PPFIA3: variants seen among roughly 807,000 people sequenced by gnomAD.
PPFIA3 encodes liprin-alpha-3.
In PPFIA3, 26 loss-of-function variants were observed where a neutral mutation model predicts 145.8. The ratio of observed to expected loss-of-function variants is 0.18; its 90% CI spans 0.13 to 0.25. The LOEUF (loss-of-function observed/expected upper bound fraction) is 0.25. PPFIA3 is among the 10% of genes least tolerant of loss of function. The pLI is 1.00. For missense variants in PPFIA3, 1,008 were observed against 1,587.8 expected (o/e 0.63, Z 6.21); for synonymous variants, 645 against 661.4 (o/e 0.98, Z 0.38).
chr19:49,130,603 A>G lies in PPFIA3; in HGVS notation c.879+4A>G. On this transcript the variant is annotated splice_donor_region_variant and intron_variant, in intron 7 of 29. Transcript: ENST00000334186. The surrounding 1 kb of genome is among the most constrained non-coding windows in gnomAD (Gnocchi z 4.5). Reference sequence around the variant, plus strand: ...GCTGCAGCGCGACCTCAAGGAGGTGAGGCCCCCAGGGAGGCGGGCTGCCCT... The same window carrying G: ...GCTGCAGCGCGACCTCAAGGAGGTGGGGCCCCCAGGGAGGCGGGCTGCCCT... 6 of 1,550,256 alleles carry G rather than the reference A, an allele frequency of 3.9e-6. No homozygotes were observed. The highest frequency in any genetic ancestry group is 5.2e-6 in the Non-Finnish European group (6 of 1,147,514).
At chr19:49,138,091 G>C in intron 15 of PPFIA3, 114 bp from the exon 16 acceptor site, 1 of 1,407,724 alleles carries the variant, frequency 7.1e-7, no homozygotes, top group Non-Finnish European at 9.3e-7. Context: ...TCATTGCACC[G>C]TCCCCAGAAT....
chr19:49,119,744 C>A, intron 1 of PPFIA3, 22 bp downstream of exon 1: 1 of 152,378 alleles, frequency 6.6e-6, no homozygotes, highest in Admixed American at 6.6e-5. Context: ...GCCCGGCCCT[C>A]CTGGCAGCGC....
At position 49,130,605 on chromosome 19, in the gene PPFIA3, G is replaced by A. The variant is rs2041057571; in HGVS notation, c.879+6G>A. On this transcript the variant is annotated splice_donor_region_variant and intron_variant, in intron 7 of 29. Coordinates refer to ENST00000334186, the MANE Select transcript of PPFIA3 (RefSeq NM_003660.4). The surrounding 1 kb of genome is among the most constrained non-coding windows in gnomAD (Gnocchi z 4.5). ...TGCAGCGCGACCTCAAGGAGGTGAGGCCCCCAGGGAGGCGGGCTGCCCTGG... is the reference window on the plus strand; with the variant it reads ...TGCAGCGCGACCTCAAGGAGGTGAGACCCCCAGGGAGGCGGGCTGCCCTGG... 1.3e-6 allele frequency: 2 copies of A among 1,549,546 alleles called. No individual in the cohort carries two copies.
Position 49,130,490 on chromosome 19 carries a change from C to T in PPFIA3, c.770C>T (p.Ala257Val), listed in dbSNP as rs1184447820. ...GTGTGCCAGCTGCGGGAGCGCCTGG[C>T]GGTGCTGTGCCGTCAGATGAGCCAG... ...AEVCQLRERL[A>V]VLCRQMSQLE... The change falls in exon 7 of 30, where the codon GCG (alanine) becomes GTG (valine). Residue 257 changes from alanine (A) to valine (V), a missense_variant. By Grantham distance (64) the Ala-to-Val change is moderately conservative (BLOSUM62 0). Coordinates refer to ENST00000334186, the MANE Select transcript of PPFIA3 (RefSeq NM_003660.4). The surrounding 1 kb of genome is among the most constrained non-coding windows in gnomAD (Gnocchi z 4.5). 6.2e-7 allele frequency: 1 copy of T among 1,600,996 alleles called. No individual in the cohort carries two copies. Among genetic ancestry groups the T allele is most frequent in the Non-Finnish European group, 8.5e-7 (1 of 1,174,702 alleles).
At chr19:49,125,833 C>T (rs907047278) in intron 1 of PPFIA3, among the ~76,000 whole-genome samples, 2 of 152,072 alleles carry the variant, frequency 1.3e-5, no homozygotes, top group African/African-American at 2.4e-5. Flanking sequence ...TCTTAGACTC[C>T]TGTGACCTGA....
chr19:49,133,926 G>A lies in PPFIA3; in HGVS notation c.1245+47G>A. 1 of 1,610,966 alleles carries A rather than the reference G, an allele frequency of 6.2e-7. No homozygotes were observed. The highest frequency in any genetic ancestry group is 8.5e-7 in the Non-Finnish European group (1 of 1,178,754). On this transcript the variant is annotated intron_variant, in intron 10 of 29. Transcript: ENST00000334186. The surrounding 1 kb of genome is among the most constrained non-coding windows in gnomAD (Gnocchi z 7.2). The stretch of plus-strand genomic sequence containing the variant: ...CAGAGGGTGGGGCTTCGAGGCTGGG[G>A]CGGAGCTTAATAAGGAGGCTGGGCT...
chr19:49,143,344 A>AT (rs1489282148), intron 21 of PPFIA3, among the ~76,000 whole-genome samples: 1 of 151,988 alleles, frequency 6.6e-6, no homozygotes, highest in Non-Finnish European at 1.5e-5. Flanking sequence ...TCCCCATAGC[A>AT]TTTATTGCCT....
chr19:49,133,416 G>T lies in PPFIA3; in HGVS notation c.1161+45G>T. 2 of 1,532,218 alleles carry T rather than the reference G, an allele frequency of 1.3e-6. No homozygotes were observed. The highest frequency in any genetic ancestry group is 2.3e-5 in the East Asian group (1 of 43,510). 94.9% of individuals were successfully genotyped at this position (1,532,218 alleles called of 1,614,324 possible). A position where few individuals can be genotyped will look rare whatever the true frequency, so the allele number is the denominator to read the frequency against. ...CGGGGCCTTGCGTGGGGAAGGGGTG[G>T]GGCCTAGAGGAGGCGGGGCCGTGAA... On this transcript the variant is annotated intron_variant, in intron 9 of 29. Transcript: ENST00000334186. This position sits in a 1 kb window ranked among gnomAD's most constrained non-coding sequence, Gnocchi z 7.2.
chr19:49,147,022 CAT>C (rs1018637861), intron 23 of PPFIA3, among the ~76,000 whole-genome samples: 1 of 152,152 alleles, frequency 6.6e-6, no homozygotes, highest in Non-Finnish European at 1.5e-5. Flanking sequence ...TCATAGATCA[CAT>C]ATTTCCAGCC....
intron 15 of PPFIA3, 66 bp downstream of exon 15, chr19:49,136,977 C>T: frequency 7.2e-7 from 1 of 1,387,086 alleles, no homozygotes; most frequent in Non-Finnish European, 9.5e-7. Flanking sequence ...CCTTCTGGCT[C>T]TGGAGGCCTG....
chr19:49,139,674 G>T lies in PPFIA3; in HGVS notation c.2083G>T (p.Val695Phe). The change falls in exon 17 of 30, where the codon GTC becomes TTC. Residue 695 changes from valine to phenylalanine, a missense_variant. By Grantham distance (50) the Val-to-Phe change is conservative. Around this residue, in one of 11 missense-constraint regions of PPFIA3, gnomAD observed 202 missense variants for 241.8 expected, o/e 0.84. Coordinates refer to ENST00000334186, the MANE Select transcript of PPFIA3 (RefSeq NM_003660.4). ...CTGTGCCCTCTGTCCTCAGAATCATGTCCCTAAGGAGGAAGCTGGAGCTCC... is the reference window on the plus strand; with the variant it reads ...CTGTGCCCTCTGTCCTCAGAATCATTTCCCTAAGGAGGAAGCTGGAGCTCC... ...AREGTDKANH[V>F]PKEEAGAPRG... is the part of the protein sequence containing the mutation. 1.3e-6 allele frequency: 2 copies of T among 1,592,928 alleles called. No homozygotes were observed. The highest frequency in any genetic ancestry group is 1.1e-5 in the South Asian group (1 of 88,490).
At position 49,149,187 on chromosome 19, in the gene PPFIA3, C is replaced by G; in HGVS notation, c.3285+19C>G. On this transcript the variant is annotated intron_variant, in intron 26 of 29. Coordinates refer to ENST00000334186, the MANE Select transcript of PPFIA3 (RefSeq NM_003660.4). The surrounding 1 kb of genome is among the most constrained non-coding windows in gnomAD (Gnocchi z 5.7). ...TGCACAGGTGAGCTGCCGCTGGGCC[C>G]GGAGCATGCTGGGCGTCCCCACCTC... is the stretch of plus-strand genomic sequence containing the variant. The G allele has an allele frequency of 6.2e-7, 1 of 1,613,742 alleles. No individual in the cohort carries two copies.
Position 49,149,259 on chromosome 19 carries a change from C to T in PPFIA3, c.3288C>T (p.Ala1096=). Residue 1096 remains alanine, a splice_region_variant and synonymous_variant, in exon 27 of 30, where the codon GCC becomes GCT. Transcript: ENST00000334186. This position sits in a 1 kb window ranked among gnomAD's most constrained non-coding sequence, Gnocchi z 5.7. ...CCCCCTCCACCTCCTCTTTCCAGGC[C>T]CGGCAGCTTCTGGAGAAGGAATTCA... ...LLQIPTQNAQ[A]RQLLEKEFSN... 2 of 1,614,210 alleles carry T rather than the reference C, an allele frequency of 1.2e-6. No homozygotes were observed. Among genetic ancestry groups the T allele is most frequent in the Non-Finnish European group, 1.7e-6 (2 of 1,180,038 alleles).
chr19:49,136,433 GC>G (rs2041137808), intron 14 of PPFIA3, among the ~76,000 whole-genome samples: 1 of 152,128 alleles, frequency 6.6e-6, no homozygotes, highest in Admixed American at 6.5e-5. Context: ...TACTAAAAAT[GC>G]AAAAATTAGC....
Position 49,149,707 on chromosome 19 carries a change from T to G in PPFIA3, c.3515T>G (p.Leu1172Arg). The G allele has an allele frequency of 1.9e-6, 3 of 1,609,626 alleles. No individual in the cohort carries two copies. Among genetic ancestry groups the G allele is most frequent in the Non-Finnish European group, 2.5e-6 (3 of 1,177,762 alleles). ...TCTCCGGGGCTCCCTCTCCGCAAGC[T>G]GCAGCCAGAAGGTGGGGGGCTCCCA... ...LGSPGLPLRK[L>R]QPEGQTSGSS... is the part of the protein sequence containing the mutation. Residue 1172 changes from leucine (L) to arginine (R), a missense_variant, in exon 28 of 30, where the codon CTG becomes CGG. By Grantham distance (102) the Leu-to-Arg change is moderately radical. Transcript: ENST00000334186. The surrounding 1 kb of genome is among the most constrained non-coding windows in gnomAD (Gnocchi z 5.7).
chr19:49,143,519 C>T (rs2041248479), intron 21 of PPFIA3, among the ~76,000 whole-genome samples: 1 of 152,086 alleles, frequency 6.6e-6, no homozygotes. Context: ...ATTACAGGCG[C>T]CCGCCACCAC....
rs10422092 is a variant in PPFIA3, at chr19:49,120,108, C to T, written c.-16+386C>T. ...CCGCTTCGCGCACTCCGTCTCCCGT[C>T]GCCAGCCTCGGGCTTGCACAGCCGG... is the stretch of plus-strand genomic sequence containing the variant. On this transcript the variant is annotated intron_variant, in intron 1 of 29. Transcript: ENST00000334186. The surrounding 1 kb of genome is among the most constrained non-coding windows in gnomAD (Gnocchi z 4.6). Among the ~76,000 whole-genome samples the T allele has an allele frequency of 0.078, 11,834 of 152,150 alleles. 629 individuals carry two copies. Among genetic ancestry groups the T allele is most frequent in the Admixed American group, 0.17 (2,582 of 15,300 alleles).
chr19:49,144,511 C>T (rs974565701), intron 21 of PPFIA3, among the ~76,000 whole-genome samples: 7 of 151,890 alleles, frequency 4.6e-5, no homozygotes, highest in Admixed American at 3.3e-4. Flanking sequence ...CCCGGGAGTT[C>T]GAGACCAGCC....
At chr19:49,123,648 G>T (rs2040963367) in intron 1 of PPFIA3, among the ~76,000 whole-genome samples, 1 of 151,906 alleles carries the variant, frequency 6.6e-6, no homozygotes. Flanking sequence ...CACCATGTTG[G>T]CTAGGCTGGT....
Sources: gnomAD v4.1 joint callset for allele counts (sites outside exome capture counted in the v4.1 genomes callset) on GRCh38, gnomAD v4.1.1 for gene constraint, gnomAD v4.1.1 regional missense constraint, Gnocchi (gnomAD v3.1) non-coding constraint, MANE v1.5 for transcripts, NCBI Gene and HGNC (gene_info 2026-07-23, HGNC 2026-07-21) for gene names.